Variants in CNTNAP2 observed in about 807,000 individuals in gnomAD.
CNTNAP2 encodes contactin associated protein 2.
In CNTNAP2, 98 loss-of-function variants were observed where a neutral mutation model predicts 155.2. The observed-to-expected ratio is 0.63, with a 90% CI of 0.54 to 0.75. The LOEUF (loss-of-function observed/expected upper bound fraction) is 0.75. Among genes scored for constraint, CNTNAP2 ranks in the 30% least tolerant of loss-of-function variants. The pLI, the probability that CNTNAP2 is intolerant of heterozygous loss-of-function variation, is 0.00. For synonymous variants in CNTNAP2, 651 were observed against 631.2 expected (o/e 1.03, Z -0.47); for missense variants, 1,727 against 1,688.1 (o/e 1.02, Z -0.40).
rs113041414 is a variant in CNTNAP2, at chr7:146,527,804, T to G, written c.98-246467T>G. 4.9e-3 allele frequency among the ~76,000 whole-genome samples: 738 copies of G among 150,396 alleles called. 19 individuals carry two copies. The highest frequency in any genetic ancestry group is 0.017 in the African/African-American group (698 of 39,990). ...ATGCTTGAACAAAATGTTCAATTATTTTAAATGTTATCAAATCATTTAAAA... is the reference window on the plus strand; with the variant it reads ...ATGCTTGAACAAAATGTTCAATTATGTTAAATGTTATCAAATCATTTAAAA... On this transcript the variant is annotated intron_variant, in intron 1 of 23. Transcript: ENST00000361727.
chr7:146,914,898 A>C (rs113046375), intron 3 of CNTNAP2, among the ~76,000 whole-genome samples: 1 of 151,836 alleles, frequency 6.6e-6, no homozygotes, highest in African/African-American at 2.4e-5. Flanking sequence ...TGCCTACACC[A>C]AGGTCTAGAA....
chr7:146,818,131 A>G (rs974963901), intron 2 of CNTNAP2, among the ~76,000 whole-genome samples: 6 of 152,074 alleles, frequency 3.9e-5, no homozygotes, highest in Admixed American at 6.6e-5. Flanking sequence ...TTTTCTATTA[A>G]CTTTAAAGAT....
intron 3 of CNTNAP2, among the ~76,000 whole-genome samples, chr7:146,950,963 C>T (rs924469173): frequency 4.6e-5 from 7 of 152,086 alleles, no homozygotes; most frequent in Admixed American, 2.0e-4. Context: ...CTGTTGTTTC[C>T]TGACTTTTTA....
At chr7:147,340,709 T>A (rs1795747345) in intron 9 of CNTNAP2, among the ~76,000 whole-genome samples, 1 of 152,090 alleles carries the variant, frequency 6.6e-6, no homozygotes, top group South Asian at 2.1e-4. Context: ...ATGGTAATTA[T>A]TCATTTTCTT....
At chr7:147,616,281 C>A (rs1280658968) in intron 12 of CNTNAP2, among the ~76,000 whole-genome samples, 1 of 152,214 alleles carries the variant, frequency 6.6e-6, no homozygotes, top group Non-Finnish European at 1.5e-5. Flanking sequence ...TGTGCTTCCA[C>A]TCTTGCCCTG....
At chr7:148,079,845 T>A (rs1803562010) in intron 15 of CNTNAP2, among the ~76,000 whole-genome samples, 1 of 152,106 alleles carries the variant, frequency 6.6e-6, no homozygotes, top group Non-Finnish European at 1.5e-5. Flanking sequence ...TAATGAGGCA[T>A]GTGCAACCCC....
intron 1 of CNTNAP2, among the ~76,000 whole-genome samples, chr7:146,247,129 G>T (rs1294544052): frequency 6.6e-6 from 1 of 152,156 alleles, no homozygotes; most frequent in African/African-American, 2.4e-5. Flanking sequence ...TCAGGGTCTA[G>T]GGCTGTAAAG....
chr7:148,206,798 C>G (rs921208374), intron 18 of CNTNAP2, among the ~76,000 whole-genome samples: 4 of 152,208 alleles, frequency 2.6e-5, no homozygotes, highest in Admixed American at 2.6e-4. Flanking sequence ...CTGCATTCCT[C>G]ATGCCTTGGT....
At chr7:146,904,162 C>A (rs945569464) in intron 3 of CNTNAP2, among the ~76,000 whole-genome samples, 1 of 152,066 alleles carries the variant, frequency 6.6e-6, no homozygotes, top group Non-Finnish European at 1.5e-5. Context: ...TTTCAGCCAC[C>A]CTGCCTCTAA....
intron 1 of CNTNAP2, among the ~76,000 whole-genome samples, chr7:146,234,558 A>G (rs1414651412): frequency 6.6e-6 from 1 of 150,896 alleles, no homozygotes. Flanking sequence ...CCTGAATGGT[A>G]ATGCCTAGGT....
intron 11 of CNTNAP2, among the ~76,000 whole-genome samples, chr7:147,529,367 T>C (rs1185444659): frequency 6.6e-6 from 1 of 152,218 alleles, no homozygotes; most frequent in Non-Finnish European, 1.5e-5. Context: ...CCATTATTCA[T>C]TCATTTATTG....
chr7:146,763,513 G>A (rs1380576491), intron 1 of CNTNAP2, among the ~76,000 whole-genome samples: 3 of 152,042 alleles, frequency 2.0e-5, no homozygotes, highest in African/African-American at 7.2e-5. Context: ...TCCCCCAACT[G>A]TAGGCACTCT....
intron 12 of CNTNAP2, among the ~76,000 whole-genome samples, chr7:147,583,155 G>T (rs1800541199): frequency 6.6e-6 from 1 of 151,974 alleles, no homozygotes; most frequent in African/African-American, 2.4e-5. Context: ...CAACTAAAAA[G>T]CCAATTAATT....
chr7:147,336,661 G>T (rs1308752502), intron 9 of CNTNAP2, among the ~76,000 whole-genome samples: 1 of 152,102 alleles, frequency 6.6e-6, no homozygotes, highest in Non-Finnish European at 1.5e-5. Context: ...TATAGAACTA[G>T]TTAGTGGCAG....
chr7:148,396,822 T>C (rs1799478429), intron 22 of CNTNAP2, among the ~76,000 whole-genome samples: 1 of 152,222 alleles, frequency 6.6e-6, no homozygotes. Flanking sequence ...TGAAAGACTT[T>C]TAAAAAATTA....
chr7:146,942,857 A>G (rs1797084317), intron 3 of CNTNAP2, among the ~76,000 whole-genome samples: 1 of 152,238 alleles, frequency 6.6e-6, no homozygotes, highest in Admixed American at 6.5e-5. Flanking sequence ...AAATAGGCTT[A>G]ATCTTTGACC....
chr7:147,152,855 G>A (rs1470580294), intron 8 of CNTNAP2, among the ~76,000 whole-genome samples: 2 of 152,086 alleles, frequency 1.3e-5, no homozygotes, highest in Admixed American at 1.3e-4. Context: ...AGGCTCAGAT[G>A]TTCAGAGAAC....
At chr7:147,093,953 C>T (rs1800469166) in intron 4 of CNTNAP2, among the ~76,000 whole-genome samples, 1 of 152,096 alleles carries the variant, frequency 6.6e-6, no homozygotes, top group Non-Finnish European at 1.5e-5. Context: ...TCCCAAGCCC[C>T]GAATATCCTG....
At chr7:147,244,886 C>G (rs904204001) in intron 8 of CNTNAP2, among the ~76,000 whole-genome samples, 1 of 152,080 alleles carries the variant, frequency 6.6e-6, no homozygotes, top group African/African-American at 2.4e-5. Flanking sequence ...ATTCTTAGTA[C>G]TACTCATTTT....
Sources: gnomAD v4.1 joint callset for allele counts (sites outside exome capture counted in the v4.1 genomes callset) on GRCh38, gnomAD v4.1.1 for gene constraint, MANE v1.5 for transcripts, NCBI Gene and HGNC (gene_info 2026-07-23, HGNC 2026-07-21) for gene names.